IFRD1: variants seen among roughly 807,000 people sequenced by gnomAD.
IFRD1 encodes the protein interferon related developmental regulator 1, also known as interferon-related developmental regulator 1.
In IFRD1, 35 loss-of-function variants were observed where a neutral mutation model predicts 52.9. The ratio of observed to expected loss-of-function variants is 0.66; its 90% CI spans 0.51 to 0.88. IFRD1 has a LOEUF of 0.88. IFRD1 is among the 40% of genes least tolerant of loss of function. IFRD1 has a pLI of 0.00. For synonymous variants in IFRD1, 184 were observed against 188.4 expected (o/e 0.98, Z 0.19); for missense variants, 517 against 550.8 (o/e 0.94, Z 0.61).
chr7:112,465,687 T>G (rs1795591085), intron 8 of IFRD1, among the ~76,000 whole-genome samples: 2 of 152,180 alleles, frequency 1.3e-5, no homozygotes, highest in African/African-American at 4.8e-5. Flanking sequence ...TGAGACAGAT[T>G]GCTAATGTAG....
At chr7:112,460,902 C>T (rs1210677584) in intron 5 of IFRD1, among the ~76,000 whole-genome samples, 6 of 152,074 alleles carry the variant, frequency 3.9e-5, no homozygotes, top group Admixed American at 1.3e-4. Context: ...ATAATAAAAT[C>T]TCAGATTACA....
chr7:112,455,648 T>C, intron 1 of IFRD1, 115 bp from the exon 2 acceptor site: 1 of 716,710 alleles, frequency 1.4e-6, no homozygotes, highest in South Asian at 1.5e-5. Context: ...TTTTATAAAA[T>C]GAGTCTGTGG....
intron 8 of IFRD1, among the ~76,000 whole-genome samples, chr7:112,467,103 T>G (rs1224058475): frequency 6.6e-6 from 1 of 152,204 alleles, no homozygotes; most frequent in Non-Finnish European, 1.5e-5. Flanking sequence ...TAATAATCCT[T>G]TTCATTTTAG....
At chr7:112,435,505 T>C (rs977938221) in intron 1 of IFRD1, 2 of 152,174 alleles carry the variant, frequency 1.3e-5, no homozygotes, top group Non-Finnish European at 2.9e-5. Context: ...ATGTTAAACA[T>C]TTATTTTTCT....
chr7:112,473,784 A>G (rs1210467560), intron 11 of IFRD1, among the ~76,000 whole-genome samples: 2 of 152,156 alleles, frequency 1.3e-5, no homozygotes, highest in Non-Finnish European at 2.9e-5. Flanking sequence ...AATTCATATA[A>G]CAGACTATTT....
At chr7:112,433,028 T>C (rs1043060751) in intron 1 of IFRD1, among the ~76,000 whole-genome samples, 2 of 152,160 alleles carry the variant, frequency 1.3e-5, no homozygotes, top group Admixed American at 6.5e-5. Flanking sequence ...TACGGCACTG[T>C]AAGACATTTC....
intron 1 of IFRD1, among the ~76,000 whole-genome samples, chr7:112,443,330 T>C (rs555191201): frequency 3.3e-5 from 5 of 152,340 alleles, no homozygotes; most frequent in Admixed American, 6.5e-5. Context: ...TTCATGCCTG[T>C]AATCCCAGCA....
intron 1 of IFRD1, among the ~76,000 whole-genome samples, chr7:112,436,814 T>C (rs1414487439): frequency 1.3e-5 from 2 of 152,136 alleles, no homozygotes. Flanking sequence ...AGGAAAGATT[T>C]TAAAGGAAAA....
At chr7:112,434,861 A>G (rs1404072679) in intron 1 of IFRD1, among the ~76,000 whole-genome samples, 2 of 152,232 alleles carry the variant, frequency 1.3e-5, no homozygotes, top group Non-Finnish European at 2.9e-5. Context: ...TAATATAAAC[A>G]TGATCACAAC....
intron 8 of IFRD1, among the ~76,000 whole-genome samples, chr7:112,463,895 C>CACA (rs1491384023): frequency 0.026 from 241 of 9,376 alleles, 3 homozygotes; most frequent in African/African-American, 0.15. Flanking sequence ...CACACACACA[C>CACA]CCCACGTATC....
At chr7:112,452,010 G>C (rs971230554) in intron 1 of IFRD1, 1 of 983,328 alleles carries the variant, frequency 1.0e-6, no homozygotes, top group Non-Finnish European at 1.2e-6. Flanking sequence ...ACCATAGGGA[G>C]GGATTCTTAA....
intron 1 of IFRD1, chr7:112,423,504 G>A (rs781339450): frequency 2.0e-5 from 3 of 152,222 alleles, no homozygotes; most frequent in African/African-American, 4.8e-5. Context: ...GGACTAAGAT[G>A]CTACTCAAGT....
At chr7:112,475,242 G>A (rs1428504334) in intron 11 of IFRD1, among the ~76,000 whole-genome samples, 188 bp from the exon 12 acceptor site, 1 of 152,170 alleles carries the variant, frequency 6.6e-6, no homozygotes, top group African/African-American at 2.4e-5. Context: ...ACAGGTGTGA[G>A]CCACCTTGCA....
chr7:112,449,787 C>T (rs372525795), upstream of IFRD1, among the ~76,000 whole-genome samples: 2 of 135,052 alleles, frequency 1.5e-5, no homozygotes, highest in South Asian at 4.6e-4. Context: ...GAGATATACA[C>T]GAACTCCACA....
At chr7:112,469,683 G>A (rs1795698604) in intron 9 of IFRD1, among the ~76,000 whole-genome samples, 1 of 152,010 alleles carries the variant, frequency 6.6e-6, no homozygotes, top group South Asian at 2.1e-4. Flanking sequence ...GGTCTCTACT[G>A]GCCCTCAAAC....
intron 5 of IFRD1, among the ~76,000 whole-genome samples, chr7:112,460,446 T>C (rs981173892): frequency 6.6e-6 from 1 of 151,942 alleles, no homozygotes; most frequent in Admixed American, 6.6e-5. Context: ...TCTTGCTGTA[T>C]TGCCCAGGCT....
At chr7:112,457,370 C>T (rs1217392525) in intron 4 of IFRD1, 2 of 431,058 alleles carry the variant, frequency 4.6e-6, no homozygotes, top group African/African-American at 2.0e-5. Context: ...TTTTCCCTTG[C>T]ACTTATATAA....
intron 1 of IFRD1, among the ~76,000 whole-genome samples, chr7:112,428,286 G>A (rs977416053): frequency 6.6e-6 from 1 of 152,166 alleles, no homozygotes; most frequent in African/African-American, 2.4e-5. Flanking sequence ...AAGCTTTAAT[G>A]AAGAGTATTA....
intron 8 of IFRD1, among the ~76,000 whole-genome samples, chr7:112,464,631 AT>A (rs765593832): frequency 3.3e-5 from 5 of 152,220 alleles, no homozygotes; most frequent in African/African-American, 4.8e-5. Flanking sequence ...TGAATTGAGT[AT>A]TGCATTTGGC....
Sources: gnomAD v4.1 joint callset for allele counts (sites outside exome capture counted in the v4.1 genomes callset) on GRCh38, gnomAD v4.1.1 for gene constraint, MANE v1.5 for transcripts, NCBI Gene and HGNC (gene_info 2026-07-23, HGNC 2026-07-21) for gene names.